HIVEP1: variants seen among roughly 807,000 people sequenced by gnomAD.
HIVEP1 encodes the protein HIVEP zinc finger 1.
Under a neutral mutation model 180.0 loss-of-function variants are expected in HIVEP1, and 36 were observed. That is an observed-to-expected ratio of 0.20 (90% CI 0.15 to 0.26). The LOEUF is 0.26. Ranked by LOEUF, HIVEP1 falls within the 10% of genes least tolerant of loss-of-function variation. The pLI, the probability that HIVEP1 is intolerant of heterozygous loss-of-function variation, is 1.00. For missense variants in HIVEP1, 3,143 were observed against 3,268.7 expected, an observed-to-expected ratio of 0.96 and a Z score of 0.94; for synonymous variants, 1,239 against 1,239.0, an observed-to-expected ratio of 1.00 and a Z score of 0.00.
chr6:12,152,684 G>A (rs959235986), intron 7 of HIVEP1, among the ~76,000 whole-genome samples: 1 of 152,162 alleles, frequency 6.6e-6, no homozygotes, highest in African/African-American at 2.4e-5. Flanking sequence ...CAGATACTAT[G>A]TATTCAGAGA....
At chr6:12,052,238 C>A (rs1475355) in intron 2 of HIVEP1, among the ~76,000 whole-genome samples, 2 of 152,234 alleles carry the variant, frequency 1.3e-5, no homozygotes, top group Non-Finnish European at 2.9e-5. Flanking sequence ...TATATTTACT[C>A]AACAAGGAGA....
the HIVEP1 span, among the ~76,000 whole-genome samples, chr6:12,211,290 C>A: frequency 2.1e-5 from 2 of 94,236 alleles, no homozygotes; most frequent in Non-Finnish European, 4.1e-5. Flanking sequence ...GTCCCAGCTA[C>A]TCCGGAGGCT....
At chr6:12,075,977 A>T (rs1263374695) in intron 2 of HIVEP1, among the ~76,000 whole-genome samples, 1 of 152,218 alleles carries the variant, frequency 6.6e-6, no homozygotes. Flanking sequence ...ATGAGGGCAA[A>T]TAAGCTCCAC....
intron 7 of HIVEP1, among the ~76,000 whole-genome samples, chr6:12,149,259 C>T (rs966842578): frequency 1.3e-5 from 2 of 152,088 alleles, no homozygotes; most frequent in African/African-American, 4.8e-5. Context: ...ATGGGGTAAA[C>T]CTTTTTTTAA....
At chr6:12,083,447 C>T (rs1293628684) in intron 2 of HIVEP1, among the ~76,000 whole-genome samples, 2 of 152,026 alleles carry the variant, frequency 1.3e-5, no homozygotes, top group Non-Finnish European at 1.5e-5. Context: ...GTCTAGTGAC[C>T]CTGGCAACTA....
In HIVEP1 at chr6:12,123,960, G is replaced by A. The variant is rs756226726; in HGVS notation, c.4165G>A (p.Asp1389Asn). 6 of 1,614,050 alleles carry A rather than the reference G, an allele frequency of 3.7e-6. No individual in the cohort carries two copies. Among genetic ancestry groups the A allele is most frequent in the East Asian group, 2.2e-5 (1 of 44,884 alleles). Reference sequence around the variant, plus strand: ...CTCTGATCTCAGAAGCAAATCATTCGATTGTGGAAGCATCACCCCACCCCA... The same window carrying A: ...CTCTGATCTCAGAAGCAAATCATTCAATTGTGGAAGCATCACCCCACCCCA... ...EVSDLRSKSF[D>N]CGSITPPQTT... Residue 1389 changes from aspartate (D) to asparagine (N), a missense_variant, in exon 4 of 9, where the codon GAT becomes AAT. Asp to Asn is a conservative substitution (Grantham distance 23). Transcript: ENST00000379388.
chr6:12,042,945 T>A (rs554198906), intron 2 of HIVEP1, among the ~76,000 whole-genome samples: 2 of 152,326 alleles, frequency 1.3e-5, no homozygotes, highest in East Asian at 3.9e-4. Context: ...GTGTATGTCA[T>A]GAGGTTATGG....
At chr6:12,150,218 G>C (rs1266691194) in intron 7 of HIVEP1, among the ~76,000 whole-genome samples, 1 of 152,136 alleles carries the variant, frequency 6.6e-6, no homozygotes. Context: ...TTGTTCTCCT[G>C]TTCTTGGGGT....
chr6:12,046,864 T>TGTGTGTGTGTGTGTGTGC (rs1230419791), intron 2 of HIVEP1, among the ~76,000 whole-genome samples: 3 of 151,576 alleles, frequency 2.0e-5, no homozygotes, highest in African/African-American at 7.3e-5. Flanking sequence ...TGTGTGTGTG[T>TGTGTGTGTGTGTGTGTGC]GTGTGTGTGT....
chr6:12,093,406 AT>A (rs1335266799), intron 3 of HIVEP1, among the ~76,000 whole-genome samples: 1 of 151,152 alleles, frequency 6.6e-6, no homozygotes, highest in African/African-American at 2.4e-5. Flanking sequence ...TGATTTTGTG[AT>A]TCATTTTTTT....
downstream of HIVEP1, among the ~76,000 whole-genome samples, chr6:12,167,993 GTA>G (rs1314851523): frequency 1.0e-5 from 1 of 100,462 alleles, no homozygotes; most frequent in African/African-American, 4.3e-5. Flanking sequence ...ATGTATATAT[GTA>G]TATATTATAT....
chr6:12,176,564 T>G, the HIVEP1 span, among the ~76,000 whole-genome samples: 1 of 152,122 alleles, frequency 6.6e-6, no homozygotes, highest in African/African-American at 2.4e-5. Context: ...GCCGTTGGAC[T>G]TCAGATATAA....
downstream of HIVEP1, among the ~76,000 whole-genome samples, chr6:12,167,572 TTATATATA>T (rs1760736660): frequency 1.2e-4 from 1 of 8,588 alleles, no homozygotes; most frequent in Admixed American, 2.1e-3. Flanking sequence ...TACATGCATG[TTATATATA>T]CGTTATATTA....
At chr6:12,141,244 C>T (rs1410802584) in intron 7 of HIVEP1, among the ~76,000 whole-genome samples, 1 of 152,018 alleles carries the variant, frequency 6.6e-6, no homozygotes, top group African/African-American at 2.4e-5. Flanking sequence ...GAATTTTCAA[C>T]CCAGAATTTC....
At position 12,125,403 on chromosome 6, in the gene HIVEP1, A is replaced by G. The variant is rs1421860812; in HGVS notation, c.5608A>G (p.Thr1870Ala). ...CAAGTCATCCACATCATTAACTCTT[A>G]CAGTTCGAAGTTCACCTGCTCCTTC... is the stretch of plus-strand genomic sequence containing the variant. The part of the protein sequence containing the change: ...NIKSSTSLTL[T>A]VRSSPAPSEN... Residue 1870 changes from threonine to alanine, a missense_variant, in exon 4 of 9, where the codon ACA becomes GCA. By Grantham distance (58) the Thr-to-Ala change is moderately conservative. Transcript: ENST00000379388. 6 of 1,613,944 alleles carry G rather than the reference A, an allele frequency of 3.7e-6. No individual in the cohort carries two copies. Among genetic ancestry groups the G allele is most frequent in the Non-Finnish European group, 3.4e-6 (4 of 1,179,856 alleles).
At chr6:12,094,183 T>A (rs74820745) in intron 3 of HIVEP1, among the ~76,000 whole-genome samples, 1,734 of 152,150 alleles carry the variant, frequency 0.011, 32 homozygotes, top group African/African-American at 0.039. Flanking sequence ...ATGCAATATA[T>A]TTTTGAATAT....
At chr6:12,055,280 C>G (rs772879227) in intron 2 of HIVEP1, among the ~76,000 whole-genome samples, 5 of 152,142 alleles carry the variant, frequency 3.3e-5, no homozygotes, top group Non-Finnish European at 7.3e-5. Context: ...CGAGACCATC[C>G]TGGCCAACAC....
intron 3 of HIVEP1, among the ~76,000 whole-genome samples, chr6:12,099,183 G>GT (rs66482971): frequency 0.68 from 94,347 of 138,612 alleles, 32,897 homozygotes; most frequent in Non-Finnish European, 0.76. Flanking sequence ...ATGTCACTGA[G>GT]TTTTTTTTTT....
chr6:12,106,686 A>T (rs1774453264), intron 3 of HIVEP1, among the ~76,000 whole-genome samples: 1 of 152,086 alleles, frequency 6.6e-6, no homozygotes, highest in Admixed American at 6.5e-5. Flanking sequence ...TCTTACCGTC[A>T]TTTATATTTC....
Sources: gnomAD v4.1 joint callset for allele counts (sites outside exome capture counted in the v4.1 genomes callset) on GRCh38, gnomAD v4.1.1 for gene constraint, MANE v1.5 for transcripts, NCBI Gene and HGNC (gene_info 2026-07-23, HGNC 2026-07-21) for gene names.